Variants in KCTD1 observed in about 807,000 individuals in gnomAD.
KCTD1 encodes the protein BTB/POZ domain-containing protein KCTD1.
In KCTD1, 24 loss-of-function variants were observed where a neutral mutation model predicts 66.0. That is an observed-to-expected ratio of 0.36 (90% confidence interval 0.26 to 0.51). The LOEUF is 0.51. Ranked by LOEUF, KCTD1 falls within the 20% of genes least tolerant of loss-of-function variation. The probability of loss-of-function intolerance (pLI) is 0.95; values close to 1 mark genes in which losing one functional copy is unlikely to be tolerated. For synonymous variants in KCTD1, 511 were observed against 517.2 expected, an observed-to-expected ratio of 0.99 and a Z score of 0.16; for missense variants, 943 against 1,205.2, an observed-to-expected ratio of 0.78 and a Z score of 3.22.
chr18:26,650,017 A>G (rs60619978), intron 1 of KCTD1, among the ~76,000 whole-genome samples: 14,001 of 152,266 alleles, frequency 0.092, 690 homozygotes, highest in African/African-American at 0.12. Context: ...GCATCATTTC[A>G]TAGCGTAAGT....
intron 1 of KCTD1, among the ~76,000 whole-genome samples, chr18:26,580,997 C>T (rs545832562): frequency 1.1e-4 from 17 of 152,198 alleles, no homozygotes; most frequent in African/African-American, 4.1e-4. Flanking sequence ...ATGATTTGGT[C>T]CATAAGACAA....
intron 1 of KCTD1, among the ~76,000 whole-genome samples, chr18:26,553,913 G>A (rs2144862046): frequency 6.6e-6 from 1 of 151,376 alleles, no homozygotes; most frequent in African/African-American, 2.4e-5. Flanking sequence ...CATAGGCCAT[G>A]CTTGAACCAC....
At chr18:26,505,430 C>A (rs1323483297) in intron 1 of KCTD1, among the ~76,000 whole-genome samples, 2 of 152,244 alleles carry the variant, frequency 1.3e-5, no homozygotes, top group Non-Finnish European at 2.9e-5. Context: ...AGGCAAAGAG[C>A]TCTGTGATAA....
At chr18:26,496,091 T>C (rs1175226704) in intron 2 of KCTD1, among the ~76,000 whole-genome samples, 1 of 152,200 alleles carries the variant, frequency 6.6e-6, no homozygotes, top group Admixed American at 6.5e-5. Context: ...ATATTAATTA[T>C]TTATGAAAAA....
intron 1 of KCTD1, among the ~76,000 whole-genome samples, chr18:26,601,016 T>G (rs1342336872): frequency 6.6e-6 from 1 of 152,098 alleles, no homozygotes. Flanking sequence ...CATTTGTGTG[T>G]GATGTTGGAT....
intron 1 of KCTD1, among the ~76,000 whole-genome samples, chr18:26,525,427 C>T (rs949968117): frequency 2.6e-5 from 4 of 152,192 alleles, no homozygotes; most frequent in Admixed American, 2.6e-4. Context: ...AATAATTCCC[C>T]ACAGCCTCCA....
chr18:26,592,350 G>A (rs1487957179), intron 1 of KCTD1, among the ~76,000 whole-genome samples: 1 of 152,230 alleles, frequency 6.6e-6, no homozygotes, highest in Non-Finnish European at 1.5e-5. Context: ...ATGCTTTGCT[G>A]AGAAAATCAG....
chr18:26,461,166 C>G lies in KCTD1; in HGVS notation c.2134-1241G>C, dbSNP rs117283668. Among the ~76,000 whole-genome samples the G allele has an allele frequency of 1.6e-4, 24 of 152,324 alleles. 1 individual carries two copies. The highest frequency in any genetic ancestry group is 3.4e-3 in the Middle Eastern group (1 of 294). ...AAATATTTTTATTTTGCACTTTGCT[C>G]TTTCTCTTGCAAATCAAGCAATAGC... On this transcript the variant is annotated intron_variant, in intron 3 of 4. Transcript: ENST00000580059.
chr18:26,647,186 T>C, intron 1 of KCTD1, among the ~76,000 whole-genome samples: 1 of 152,134 alleles, frequency 6.6e-6, no homozygotes, highest in Non-Finnish European at 1.5e-5. Context: ...CTTTGGATCT[T>C]TGAAATATAA....
intron 1 of KCTD1, among the ~76,000 whole-genome samples, chr18:26,656,305 C>G (rs879683625): frequency 2.0e-5 from 3 of 152,056 alleles, no homozygotes; most frequent in African/African-American, 2.4e-5. Flanking sequence ...CATCCTTCCC[C>G]CGTCCCAGCG....
chr18:26,528,322 G>A (rs1309644244), intron 1 of KCTD1, among the ~76,000 whole-genome samples: 1 of 152,042 alleles, frequency 6.6e-6, no homozygotes, highest in Non-Finnish European at 1.5e-5. Flanking sequence ...AGGATGGTGG[G>A]GGGAAGGTGA....
intron 4 of KCTD1, chr18:26,458,228 T>G (rs569259340): frequency 6.6e-6 from 1 of 152,450 alleles, no homozygotes; most frequent in Admixed American, 6.5e-5. Flanking sequence ...GCTAGCATGC[T>G]TAGGGAACAT....
intron 1 of KCTD1, among the ~76,000 whole-genome samples, chr18:26,585,879 T>TAAAAC (rs938668587): frequency 7.9e-5 from 12 of 152,140 alleles, no homozygotes; most frequent in Admixed American, 7.9e-4. Flanking sequence ...TTGTCTCTGT[T>TAAAAC]AAAACAAAAC....
chr18:26,550,561 CACAG>C (rs1334293356), upstream of KCTD1, among the ~76,000 whole-genome samples: 3 of 118,350 alleles, frequency 2.5e-5, no homozygotes, highest in African/African-American at 3.6e-5. The surrounding 1 kb of genome is among the most constrained non-coding windows in gnomAD (Gnocchi z 5.4). Flanking sequence ...ACACAAGACA[CACAG>C]ACACACACAC....
At chr18:26,637,013 C>T (rs928700507) in intron 1 of KCTD1, among the ~76,000 whole-genome samples, 1 of 152,344 alleles carries the variant, frequency 6.6e-6, no homozygotes, top group East Asian at 1.9e-4. Context: ...CCTCCCACTG[C>T]TCTCACCCGC....
chr18:26,656,597 G>A (rs1015270947), intron 1 of KCTD1, among the ~76,000 whole-genome samples: 7 of 151,012 alleles, frequency 4.6e-5, no homozygotes, highest in Non-Finnish European at 7.4e-5. Context: ...GGCGTGGTCC[G>A]GCCCGGGCAA....
intron 2 of KCTD1, among the ~76,000 whole-genome samples, chr18:26,497,266 C>A (rs1982526095): frequency 6.6e-6 from 1 of 152,054 alleles, no homozygotes; most frequent in Non-Finnish European, 1.5e-5. Context: ...CCCTTGAAAT[C>A]TTAGAAAAAG....
intron 3 of KCTD1, among the ~76,000 whole-genome samples, chr18:26,475,262 C>T (rs894234463): frequency 1.3e-5 from 2 of 152,090 alleles, no homozygotes; most frequent in African/African-American, 4.8e-5. Context: ...TTCTTCTACA[C>T]AAACTTTATA....
In KCTD1 at chr18:26,455,683, C is replaced by CTTTT; in HGVS notation, c.*56_*59dup. Reference sequence around the variant, plus strand: ...CTGTCCCAACTGCACATAAATGTCCCTTTTTTGTTTGAGTTATTGGTTGTG... The same window carrying CTTTT: ...CTGTCCCAACTGCACATAAATGTCCCTTTTTTTTTTGTTTGAGTTATTGGTTGTG... On this transcript the variant is annotated 3_prime_UTR_variant, in exon 5 of 5. Transcript: ENST00000580059. 1 of 1,596,448 alleles carries CTTTT rather than the reference C, an allele frequency of 6.3e-7. No individual in the cohort carries two copies. Among genetic ancestry groups the CTTTT allele is most frequent in the Non-Finnish European group, 8.6e-7 (1 of 1,167,774 alleles).
Sources: allele counts gnomAD v4.1 joint callset (sites outside exome capture counted in the v4.1 genomes callset), GRCh38; gene constraint gnomAD v4.1.1; non-coding constraint Gnocchi (gnomAD v3.1); transcripts MANE v1.5; gene names NCBI Gene and HGNC (gene_info 2026-07-23, HGNC 2026-07-21).